Variants in CDK14 observed in about 807,000 individuals in gnomAD.
CDK14 encodes the protein cyclin-dependent kinase 14.
In CDK14, 34 loss-of-function variants were observed where a neutral mutation model predicts 60.7. The observed-to-expected ratio is 0.56, with a 90% CI of 0.43 to 0.75. The LOEUF (loss-of-function observed/expected upper bound fraction) is 0.75. Ranked by LOEUF, CDK14 falls within the 30% of genes least tolerant of loss-of-function variation. The probability of loss-of-function intolerance (pLI) is 0.00; values close to 1 mark genes in which losing one functional copy is unlikely to be tolerated. For synonymous variants in CDK14, 197 were observed against 203.7 expected (o/e 0.97, Z 0.28); for missense variants, 482 against 564.1 (o/e 0.85, Z 1.47).
At chr7:91,073,378 C>A (rs1194152480) in intron 11 of CDK14, among the ~76,000 whole-genome samples, 2 of 152,100 alleles carry the variant, frequency 1.3e-5, no homozygotes, top group Non-Finnish European at 2.9e-5. Context: ...ATTTTCAACC[C>A]AGAATTTCAT....
chr7:90,685,707 C>G (rs1362569395), intron 2 of CDK14, among the ~76,000 whole-genome samples: 1 of 125,436 alleles, frequency 8.0e-6, no homozygotes. Flanking sequence ...GTTGCCCAGT[C>G]TGCCCTTGAA....
chr7:91,109,297 A>G (rs908911678), intron 12 of CDK14, among the ~76,000 whole-genome samples: 2 of 152,170 alleles, frequency 1.3e-5, no homozygotes, highest in Non-Finnish European at 2.9e-5. Context: ...CCATTCAACC[A>G]TATACTTACA....
At chr7:91,057,404 G>A (rs1797612198) in intron 11 of CDK14, among the ~76,000 whole-genome samples, 1 of 151,968 alleles carries the variant, frequency 6.6e-6, no homozygotes, top group African/African-American at 2.4e-5. Context: ...AAGCTCTTTA[G>A]TTTAATTAGA....
intron 10 of CDK14, among the ~76,000 whole-genome samples, chr7:91,040,441 G>A (rs1238512829): frequency 1.3e-5 from 2 of 152,192 alleles, no homozygotes; most frequent in African/African-American, 4.8e-5. Context: ...AGATCCGAAA[G>A]TAGTACAGCT....
chr7:90,971,653 T>TAAAAAAAAA (rs35135401), intron 9 of CDK14, among the ~76,000 whole-genome samples: 9 of 119,546 alleles, frequency 7.5e-5, no homozygotes, highest in Non-Finnish European at 1.0e-4. Flanking sequence ...ATATACATAG[T>TAAAAAAAAA]AAAAAAAAAA....
intron 9 of CDK14, among the ~76,000 whole-genome samples, chr7:90,960,171 A>T (rs1219443305): frequency 6.6e-6 from 1 of 152,112 alleles, no homozygotes; most frequent in Admixed American, 6.6e-5. Context: ...ATAAATTTTT[A>T]AAATAGGGTT....
intron 4 of CDK14, among the ~76,000 whole-genome samples, chr7:90,773,223 G>A (rs1179750072): frequency 6.6e-6 from 1 of 152,074 alleles, no homozygotes; most frequent in Non-Finnish European, 1.5e-5. Flanking sequence ...ATAAGAGTGT[G>A]GACTACACAC....
intron 7 of CDK14, among the ~76,000 whole-genome samples, chr7:90,914,305 C>G (rs752104240): frequency 2.0e-5 from 3 of 152,142 alleles, no homozygotes; most frequent in Non-Finnish European, 4.4e-5. Context: ...AATTCTTCTA[C>G]TTTTTAAAAT....
intron 14 of CDK14, among the ~76,000 whole-genome samples, chr7:91,168,172 G>T (rs996459999): frequency 6.6e-6 from 1 of 150,598 alleles, no homozygotes; most frequent in African/African-American, 2.5e-5. Context: ...TGAGGCAGGA[G>T]AATTGCTTGA....
intron 5 of CDK14, among the ~76,000 whole-genome samples, chr7:90,797,778 A>C (rs749444176): frequency 6.6e-6 from 1 of 151,694 alleles, no homozygotes; most frequent in African/African-American, 2.4e-5. Flanking sequence ...GGTCCTATAC[A>C]CTCTTAAACA....
At position 90,782,058 on chromosome 7, in the gene CDK14, A is replaced by G. The variant is rs922568552; in HGVS notation, c.465-8515A>G. Among the ~76,000 whole-genome samples the G allele has an allele frequency of 3.9e-5, 6 of 152,060 alleles. No homozygotes were observed. In the South Asian group the frequency reaches 8.3e-4, roughly 21 times the overall value. ...TTCTTCTTACCCATGAGCATGGAAT[A>G]TTCTTCCATTTGTTTGTATCCTCTT... On this transcript the variant is annotated intron_variant, in intron 4 of 14. Transcript: ENST00000380050.
At chr7:90,900,289 A>G (rs1314126010) in intron 7 of CDK14, among the ~76,000 whole-genome samples, 1 of 152,078 alleles carries the variant, frequency 6.6e-6, no homozygotes, top group Non-Finnish European at 1.5e-5. Flanking sequence ...TCAATATAGA[A>G]ATTATAGTCT....
At chr7:90,883,136 C>CA (rs1004846886) in intron 6 of CDK14, among the ~76,000 whole-genome samples, 1 of 150,940 alleles carries the variant, frequency 6.6e-6, no homozygotes, top group Non-Finnish European at 1.5e-5. Flanking sequence ...AAAAAAACTC[C>CA]AAAAAATAAA....
At chr7:90,974,788 A>T (rs1795021689) in intron 9 of CDK14, among the ~76,000 whole-genome samples, 1 of 152,106 alleles carries the variant, frequency 6.6e-6, no homozygotes, top group African/African-American at 2.4e-5. Flanking sequence ...ATGCTGATGG[A>T]TGTAATTAAT....
intron 6 of CDK14, 76 bp downstream of exon 6, chr7:90,863,345 G>T (rs182077343): frequency 4.9e-6 from 4 of 822,164 alleles, no homozygotes; most frequent in Middle Eastern, 3.5e-4. Flanking sequence ...ATAGAATTTC[G>T]TTTTTAGATT....
intron 14 of CDK14, among the ~76,000 whole-genome samples, chr7:91,180,436 G>A (rs1433189010): frequency 6.6e-6 from 1 of 152,122 alleles, no homozygotes; most frequent in Non-Finnish European, 1.5e-5. Context: ...AAACAGCTAT[G>A]TATAGTACAG....
chr7:90,892,159 C>T (rs1792152197), intron 6 of CDK14, among the ~76,000 whole-genome samples: 1 of 152,200 alleles, frequency 6.6e-6, no homozygotes, highest in Admixed American at 6.5e-5. Flanking sequence ...TTGCTTCTTT[C>T]CCTTGACCCA....
At chr7:90,821,852 G>A (rs192252774) in intron 5 of CDK14, among the ~76,000 whole-genome samples, 3 of 152,208 alleles carry the variant, frequency 2.0e-5, no homozygotes, top group East Asian at 3.9e-4. Context: ...AGTCCATTAA[G>A]GGTTACTCCT....
At chr7:91,174,364 GAA>G (rs1317616558) in intron 14 of CDK14, among the ~76,000 whole-genome samples, 2 of 149,988 alleles carry the variant, frequency 1.3e-5, no homozygotes, top group African/African-American at 4.9e-5. Context: ...GGAAAAAACA[GAA>G]CAGAAAAACT....
Sources: gnomAD v4.1 joint callset for allele counts (sites outside exome capture counted in the v4.1 genomes callset) on GRCh38, gnomAD v4.1.1 for gene constraint, MANE v1.5 for transcripts, NCBI Gene and HGNC (gene_info 2026-07-23, HGNC 2026-07-21) for gene names.